NKAIN2: variants seen among roughly 807,000 people sequenced by gnomAD.
NKAIN2 encodes sodium/potassium transporting ATPase interacting 2.
NKAIN2 carries 14 observed loss-of-function variants against 32.6 expected under a neutral mutation model. The observed-to-expected ratio is 0.43, with a 90% CI of 0.28 to 0.67. The LOEUF is 0.67. Ranked by LOEUF, NKAIN2 falls within the 30% of genes least tolerant of loss-of-function variation. The probability of loss-of-function intolerance (pLI) is 0.17; values close to 1 mark genes in which losing one functional copy is unlikely to be tolerated. For missense variants in NKAIN2, 198 were observed against 258.3 expected (o/e 0.77, Z 1.60); for synonymous variants, 80 against 87.2 (o/e 0.92, Z 0.46).
intron 1 of NKAIN2, among the ~76,000 whole-genome samples, chr6:123,831,691 T>C (rs2114914223): frequency 6.6e-6 from 1 of 150,746 alleles, no homozygotes; most frequent in Middle Eastern, 3.4e-3. Context: ...AGTTTTGCTC[T>C]GTCGCCCAGG....
At chr6:124,710,113 T>G in intron 4 of NKAIN2, among the ~76,000 whole-genome samples, 1 of 151,388 alleles carries the variant, frequency 6.6e-6, no homozygotes, top group East Asian at 1.9e-4. Flanking sequence ...AGGAGCAGGT[T>G]GTTCAGTTTC....
intron 1 of NKAIN2, among the ~76,000 whole-genome samples, chr6:124,158,377 G>A (rs1436843799): frequency 1.3e-5 from 2 of 152,106 alleles, no homozygotes; most frequent in African/African-American, 4.8e-5. Flanking sequence ...TCATACCAGG[G>A]GTTAGAGTTT....
chr6:124,096,772 G>T (rs1012282010), intron 1 of NKAIN2, among the ~76,000 whole-genome samples: 4 of 150,946 alleles, frequency 2.6e-5, no homozygotes. Context: ...GCAGGGGAAT[G>T]GCGTGAACCT....
At chr6:123,844,477 C>T (rs1287315917) in intron 1 of NKAIN2, among the ~76,000 whole-genome samples, 1 of 152,114 alleles carries the variant, frequency 6.6e-6, no homozygotes, top group Non-Finnish European at 1.5e-5. Flanking sequence ...ATAGCATCCC[C>T]TTTAACCAAA....
At chr6:124,819,316 C>T (rs190309442) in intron 6 of NKAIN2, 2 of 153,970 alleles carry the variant, frequency 1.3e-5, no homozygotes, top group East Asian at 3.9e-4. Flanking sequence ...GTAAGTATTG[C>T]TCCTCCAAAG....
intron 5 of NKAIN2, among the ~76,000 whole-genome samples, chr6:124,804,714 G>A (rs2114840471): frequency 6.6e-6 from 1 of 152,380 alleles, no homozygotes; most frequent in Middle Eastern, 3.4e-3. Flanking sequence ...GGAAGCGCAA[G>A]GGATCAGGGA....
At chr6:123,891,767 A>G (rs932468332) in intron 1 of NKAIN2, among the ~76,000 whole-genome samples, 3 of 152,142 alleles carry the variant, frequency 2.0e-5, no homozygotes, top group Non-Finnish European at 4.4e-5. Flanking sequence ...TCGTCAACAA[A>G]CCAATAAGCT....
intron 2 of NKAIN2, among the ~76,000 whole-genome samples, chr6:124,309,338 C>A (rs1441209643): frequency 6.6e-6 from 1 of 151,948 alleles, no homozygotes; most frequent in East Asian, 1.9e-4. Context: ...GGAAATCACA[C>A]CAAAAGCATT....
chr6:124,127,680 C>T (rs1433407022), intron 1 of NKAIN2, among the ~76,000 whole-genome samples: 2 of 152,168 alleles, frequency 1.3e-5, no homozygotes, highest in African/African-American at 4.8e-5. Flanking sequence ...AAGTGAGATG[C>T]AGGAGGGACA....
At chr6:124,676,161 G>C (rs1773346278) in intron 4 of NKAIN2, among the ~76,000 whole-genome samples, 1 of 151,948 alleles carries the variant, frequency 6.6e-6, no homozygotes, top group Non-Finnish European at 1.5e-5. Context: ...TTGATTTCTA[G>C]CTTCATTCCA....
intron 3 of NKAIN2, among the ~76,000 whole-genome samples, chr6:124,602,372 C>T (rs1029893435): frequency 6.6e-6 from 1 of 151,864 alleles, no homozygotes; most frequent in African/African-American, 2.4e-5. Context: ...GTTCATTTAT[C>T]CAGTTTTTTA....
In NKAIN2 at chr6:123,977,270, A is replaced by G. The variant is rs191329073; in HGVS notation, c.54+173016A>G. Among the ~76,000 whole-genome samples, 91 of 152,286 alleles carry G rather than the reference A, an allele frequency of 6.0e-4. 1 individual carries two copies. The highest frequency in any genetic ancestry group is 8.5e-4 in the Non-Finnish European group (58 of 68,018). ...CTCTCTGTTAGTGATTTAAAAATTTAAAAGGTGGTGTGTGCCTGTATGCCT... is the reference window on the plus strand; with the variant it reads ...CTCTCTGTTAGTGATTTAAAAATTTGAAAGGTGGTGTGTGCCTGTATGCCT... On this transcript the variant is annotated intron_variant, in intron 1 of 6. Coordinates refer to ENST00000368417, the MANE Select transcript of NKAIN2 (RefSeq NM_001040214.3).
chr6:123,894,362 T>A (rs549344019), intron 1 of NKAIN2, among the ~76,000 whole-genome samples: 1 of 152,170 alleles, frequency 6.6e-6, no homozygotes, highest in Non-Finnish European at 1.5e-5. Flanking sequence ...TTGGAATTAT[T>A]TGGGACTCAA....
rs6924071 is a variant in NKAIN2 at position 124,735,555 on chromosome 6, G to T, written c.475-55784G>T. Among the ~76,000 whole-genome samples the T allele has an allele frequency of 9.8e-3, 1,483 of 151,938 alleles. 16 individuals are homozygous for T. Among genetic ancestry groups the T allele is most frequent in the African/African-American group, 0.034 (1,420 of 41,468 alleles). On this transcript the variant is annotated intron_variant, in intron 4 of 6. Coordinates refer to ENST00000368417, the MANE Select transcript of NKAIN2 (RefSeq NM_001040214.3). ...GGGCTTTACTCTATTGGGCTTTACGGTAATTTTGGTTTCTGCAAATTGATG... is the reference window on the plus strand; with the variant it reads ...GGGCTTTACTCTATTGGGCTTTACGTTAATTTTGGTTTCTGCAAATTGATG...
At chr6:124,668,260 T>C (rs900103985) in intron 4 of NKAIN2, among the ~76,000 whole-genome samples, 12 of 152,198 alleles carry the variant, frequency 7.9e-5, no homozygotes, top group African/African-American at 2.9e-4. Flanking sequence ...ATTGCAAATA[T>C]GGCTCTAGAG....
intron 3 of NKAIN2, among the ~76,000 whole-genome samples, chr6:124,536,111 G>T (rs589665): frequency 0.52 from 79,507 of 151,946 alleles, 23,417 homozygotes; most frequent in East Asian, 0.68. Flanking sequence ...ACTAGAAATC[G>T]CTCAAAAAAT....
intron 3 of NKAIN2, among the ~76,000 whole-genome samples, chr6:124,456,062 T>C (rs982677917): frequency 6.6e-6 from 1 of 151,756 alleles, no homozygotes; most frequent in Non-Finnish European, 1.5e-5. Context: ...TTCTTTCAGG[T>C]ATACCTATAC....
chr6:124,398,357 T>A (rs1244195699), intron 3 of NKAIN2, among the ~76,000 whole-genome samples: 2 of 149,998 alleles, frequency 1.3e-5, no homozygotes, highest in African/African-American at 4.9e-5. Flanking sequence ...AGAATTTAAG[T>A]GGGCTGAGAC....
At chr6:124,302,968 A>G (rs913808882) in intron 2 of NKAIN2, among the ~76,000 whole-genome samples, 3 of 152,186 alleles carry the variant, frequency 2.0e-5, no homozygotes, top group Non-Finnish European at 2.9e-5. Context: ...GAGTTTATGA[A>G]TGAGAGCAGC....
Sources: allele counts gnomAD v4.1 joint callset (sites outside exome capture counted in the v4.1 genomes callset), GRCh38; gene constraint gnomAD v4.1.1; transcripts MANE v1.5; gene names NCBI Gene and HGNC (gene_info 2026-07-23, HGNC 2026-07-21).